The following GAB1 variants were observed in gnomAD, a reference collection of about 807,000 sequenced individuals.
GAB1 encodes the protein GRB2-associated-binding protein 1.
GAB1 carries 19 observed loss-of-function variants against 66.5 expected under a neutral mutation model. The observed-to-expected ratio is 0.29, with a 90% CI of 0.20 to 0.42. The LOEUF (loss-of-function observed/expected upper bound fraction) is 0.42, where lower values mean the gene tolerates loss of function less well. Ranked by LOEUF, GAB1 falls within the 10% of genes least tolerant of loss-of-function variation. The probability of loss-of-function intolerance (pLI) is 1.00; values close to 1 mark genes in which losing one functional copy is unlikely to be tolerated. For missense variants in GAB1, 732 were observed against 858.5 expected (o/e 0.85, Z 1.84); for synonymous variants, 294 against 301.4 (o/e 0.98, Z 0.25).
intron 1 of GAB1, among the ~76,000 whole-genome samples, chr4:143,369,223 G>A (rs1204306980): frequency 6.6e-6 from 1 of 151,818 alleles, no homozygotes; most frequent in African/African-American, 2.4e-5. Context: ...TTACAGTTAT[G>A]AGCCACCGCA....
intron 8 of GAB1, 157 bp from the exon 9 acceptor site, chr4:143,465,945 TA>T: frequency 1.4e-6 from 1 of 708,618 alleles, no homozygotes; most frequent in South Asian, 2.2e-5. Flanking sequence ...ATCAGTTTTT[TA>T]AATATTACTT....
At chr4:143,418,690 T>C (rs1560755743) in intron 2 of GAB1, among the ~76,000 whole-genome samples, 1 of 152,180 alleles carries the variant, frequency 6.6e-6, no homozygotes, top group African/African-American at 2.4e-5. Context: ...CTCTTACTTT[T>C]TTTTACAATG....
chr4:143,353,596 A>T (rs202204345), intron 1 of GAB1, among the ~76,000 whole-genome samples: 8 of 143,462 alleles, frequency 5.6e-5, no homozygotes, highest in South Asian at 2.2e-4. Context: ...AGCTATTCTT[A>T]TTTTTTTTTT....
intron 2 of GAB1, among the ~76,000 whole-genome samples, chr4:143,422,249 TAAATCA>T (rs924118196): frequency 7.2e-5 from 11 of 152,182 alleles, no homozygotes; most frequent in Non-Finnish European, 1.5e-4. Flanking sequence ...GCACACCAGA[TAAATCA>T]TTAATCAATA....
chr4:143,451,355 T>C (rs1357777580), intron 6 of GAB1, among the ~76,000 whole-genome samples: 1 of 151,980 alleles, frequency 6.6e-6, no homozygotes, highest in Admixed American at 6.6e-5. Flanking sequence ...GGGAGGAAAG[T>C]ACCAAAGGAG....
chr4:143,367,092 A>G (rs1308990103), intron 1 of GAB1, among the ~76,000 whole-genome samples: 1 of 152,152 alleles, frequency 6.6e-6, no homozygotes, highest in Non-Finnish European at 1.5e-5. Context: ...TCAGATTCTA[A>G]CCATGAGACA....
At chr4:143,452,359 G>A (rs981784341) in intron 6 of GAB1, among the ~76,000 whole-genome samples, 2 of 152,164 alleles carry the variant, frequency 1.3e-5, no homozygotes, top group African/African-American at 2.4e-5. Context: ...CTGTAAGAGA[G>A]CAAAGCAAAG....
chr4:143,442,004 G>A (rs1289974012), intron 6 of GAB1, among the ~76,000 whole-genome samples: 1 of 150,468 alleles, frequency 6.6e-6, no homozygotes, highest in Non-Finnish European at 1.5e-5. Flanking sequence ...AAGGATGTGA[G>A]CATCAGAGGC....
At chr4:143,409,896 T>C (rs1732275742) in intron 1 of GAB1, among the ~76,000 whole-genome samples, 1 of 152,208 alleles carries the variant, frequency 6.6e-6, no homozygotes. Flanking sequence ...GAAATTTTAC[T>C]TTAAAGAGCA....
chr4:143,441,846 C>A (rs555583888), intron 6 of GAB1, among the ~76,000 whole-genome samples: 1 of 152,316 alleles, frequency 6.6e-6, no homozygotes, highest in African/African-American at 2.4e-5. Flanking sequence ...TGTGCCCTTG[C>A]AGCTTCTGCA....
chr4:143,382,649 T>C (rs1027492786), intron 1 of GAB1, among the ~76,000 whole-genome samples: 20 of 152,228 alleles, frequency 1.3e-4, no homozygotes, highest in African/African-American at 4.6e-4. Context: ...GTTATTTTGT[T>C]GATCTGTTGG....
chr4:143,339,475 C>A (rs1728758999), intron 1 of GAB1, among the ~76,000 whole-genome samples: 1 of 152,230 alleles, frequency 6.6e-6, no homozygotes, highest in Non-Finnish European at 1.5e-5. Context: ...TGTGCCATTG[C>A]ACTGCAGCCT....
chr4:143,424,907 A>G (rs1044435669), intron 2 of GAB1: 2 of 524,954 alleles, frequency 3.8e-6, no homozygotes, highest in African/African-American at 3.9e-5. Flanking sequence ...GTGAGCCAAG[A>G]TTGTTTCACT....
chr4:143,421,079 C>T (rs1732988293), intron 2 of GAB1, among the ~76,000 whole-genome samples: 1 of 152,004 alleles, frequency 6.6e-6, no homozygotes, highest in Admixed American at 6.5e-5. Flanking sequence ...TTTCTCATGC[C>T]TCTTTCCAAT....
intron 2 of GAB1, among the ~76,000 whole-genome samples, chr4:143,418,115 C>T (rs969384345): frequency 4.6e-5 from 7 of 152,126 alleles, no homozygotes; most frequent in African/African-American, 1.4e-4. Context: ...TTAATGAGGG[C>T]GTTCAGAATC....
chr4:143,364,868 C>CTTTTT lies in GAB1; in HGVS notation c.72+27630_72+27634dup, dbSNP rs745401852. 2.1e-4 allele frequency among the ~76,000 whole-genome samples: 18 copies of CTTTTT among 86,806 alleles called. 1 individual carries two copies. The highest frequency in any genetic ancestry group is 9.3e-4 in the African/African-American group (17 of 18,282). The allele number at this position is 86,806 out of a possible 152,430, so 56.9% of individuals were successfully genotyped here. The stretch of plus-strand genomic sequence containing the variant: ...AAAATTAAAGCTCTCCCTGCATCTA[C>CTTTTT]TTTTTTTTTTTTTTTTTTTTTTTTT... On this transcript the variant is annotated intron_variant, in intron 1 of 9. Transcript: ENST00000262994.
chr4:143,439,645 A>G, intron 4 of GAB1, 157 bp from the exon 5 acceptor site: 1 of 593,786 alleles, frequency 1.7e-6, no homozygotes, highest in Non-Finnish European at 3.0e-6. Flanking sequence ...TAATATGCCA[A>G]TTCAAGACAC....
intron 6 of GAB1, among the ~76,000 whole-genome samples, chr4:143,454,721 C>T (rs978474047): frequency 2.0e-5 from 3 of 152,154 alleles, no homozygotes; most frequent in Non-Finnish European, 4.4e-5. Flanking sequence ...TCCCCCAGCC[C>T]TCAACCCTAA....
intron 1 of GAB1, among the ~76,000 whole-genome samples, chr4:143,401,082 A>G (rs1191629676): frequency 6.6e-6 from 1 of 152,068 alleles, no homozygotes; most frequent in Non-Finnish European, 1.5e-5. Context: ...TATTTTAACT[A>G]CGGATGTTTT....
Sources: allele counts gnomAD v4.1 joint callset (sites outside exome capture counted in the v4.1 genomes callset), GRCh38; gene constraint gnomAD v4.1.1; transcripts MANE v1.5; gene names NCBI Gene and HGNC (gene_info 2026-07-23, HGNC 2026-07-21).